The following SPATA16 variants were observed in gnomAD, a reference collection of about 807,000 sequenced individuals.
SPATA16 encodes the protein spermatogenesis associated 16, also known as spermatogenesis-associated protein 16.
Under a neutral mutation model 63.3 loss-of-function variants are expected in SPATA16, and 36 were observed. The observed-to-expected ratio is 0.57, with a 90% confidence interval of 0.44 to 0.75. The LOEUF (loss-of-function observed/expected upper bound fraction) is 0.75, where lower values mean the gene tolerates loss of function less well. Among genes scored for constraint, SPATA16 ranks in the 30% least tolerant of loss-of-function variants. SPATA16 has a pLI of 0.00. For missense variants in SPATA16, 646 were observed against 679.3 expected, an observed-to-expected ratio of 0.95 and a Z score of 0.54; for synonymous variants, 203 against 216.7, an observed-to-expected ratio of 0.94 and a Z score of 0.56.
At chr3:173,082,121 AG>A (rs1251593905) in intron 2 of SPATA16, among the ~76,000 whole-genome samples, 2 of 152,142 alleles carry the variant, frequency 1.3e-5, no homozygotes, top group Non-Finnish European at 2.9e-5. Flanking sequence ...TCTTTCTTTT[AG>A]GTGTCCCCAT....
chr3:172,891,474 T>A (rs1268738174), intron 10 of SPATA16, among the ~76,000 whole-genome samples: 1 of 152,224 alleles, frequency 6.6e-6, no homozygotes, highest in Non-Finnish European at 1.5e-5. Context: ...TATGTTCACC[T>A]CCTACCTGGC....
In SPATA16 at chr3:173,025,303, T is replaced by G. The variant is rs542269925; in HGVS notation, c.759-5728A>C. On this transcript the variant is annotated intron_variant, in intron 3 of 10. Transcript: ENST00000351008. ...TAGACACCTTTTACTTCATTCAAAT[T>G]CCTTGGGAAATCTTTTGAAAAGTAA... 1.8e-4 allele frequency among the ~76,000 whole-genome samples: 27 copies of G among 151,992 alleles called. No individual in the cohort carries two copies. The South Asian group carries it at 5.4e-3, about 30-fold the overall frequency.
intron 4 of SPATA16, among the ~76,000 whole-genome samples, chr3:172,992,689 GA>G (rs1734606766): frequency 6.6e-6 from 1 of 152,066 alleles, no homozygotes; most frequent in African/African-American, 2.4e-5. Flanking sequence ...ATGTACTTCT[GA>G]GCAGCTACTA....
intron 6 of SPATA16, among the ~76,000 whole-genome samples, chr3:172,927,537 A>G (rs1732766581): frequency 6.6e-6 from 1 of 152,174 alleles, no homozygotes; most frequent in Non-Finnish European, 1.5e-5. Flanking sequence ...CTTCTGTGCC[A>G]CACACATTAT....
At chr3:172,913,869 A>G in intron 9 of SPATA16, 125 bp from the exon 10 acceptor site, 1 of 810,190 alleles carries the variant, frequency 1.2e-6, no homozygotes, top group Non-Finnish European at 2.0e-6. Flanking sequence ...CATCTTTCCT[A>G]CAATGAATAT....
chr3:173,101,991 AACCTC>A (rs1261869755), intron 2 of SPATA16, among the ~76,000 whole-genome samples: 2 of 152,142 alleles, frequency 1.3e-5, no homozygotes, highest in African/African-American at 4.8e-5. Context: ...TTCTCATCAA[AACCTC>A]AAGTCTGAGT....
At chr3:173,102,229 A>G (rs1018896343) in intron 2 of SPATA16, among the ~76,000 whole-genome samples, 1 of 152,224 alleles carries the variant, frequency 6.6e-6, no homozygotes, top group African/African-American at 2.4e-5. Context: ...ATTTAAGCTA[A>G]GAATTTTCTC....
chr3:172,893,454 C>T (rs867756651), intron 10 of SPATA16, among the ~76,000 whole-genome samples: 11 of 152,180 alleles, frequency 7.2e-5, no homozygotes, highest in African/African-American at 2.2e-4. Flanking sequence ...GCACAGCCCT[C>T]GGAGGGACCC....
intron 6 of SPATA16, among the ~76,000 whole-genome samples, chr3:172,937,660 A>G (rs1480745617): frequency 6.6e-6 from 1 of 152,352 alleles, no homozygotes; most frequent in South Asian, 2.1e-4. Context: ...CAAAACCGAG[A>G]AACTACTAAA....
chr3:172,987,043 A>G (rs887805166), intron 4 of SPATA16, among the ~76,000 whole-genome samples: 4 of 152,206 alleles, frequency 2.6e-5, no homozygotes, highest in Non-Finnish European at 4.4e-5. Flanking sequence ...GTGGGCTTTC[A>G]TAGAGGAAGA....
chr3:172,960,171 G>A (rs1452337832), intron 5 of SPATA16, among the ~76,000 whole-genome samples: 2 of 152,140 alleles, frequency 1.3e-5, no homozygotes, highest in African/African-American at 4.8e-5. Context: ...ACAAGGAAAT[G>A]CTGGTTGTAA....
intron 10 of SPATA16, among the ~76,000 whole-genome samples, chr3:172,904,256 T>C (rs1658265994): frequency 1.3e-5 from 2 of 152,360 alleles, no homozygotes; most frequent in East Asian, 1.9e-4. Context: ...CAGTTACTTA[T>C]CTGAAATAAA....
intron 3 of SPATA16, among the ~76,000 whole-genome samples, chr3:173,028,010 CCTCCCTTCCTTCT>C (rs1735497590): frequency 1.5e-5 from 1 of 67,362 alleles, no homozygotes; most frequent in African/African-American, 1.1e-4. Context: ...TCCCTCCCTC[CCTCCCTTCCTTCT>C]TTCCTTCCTT....
chr3:173,090,584 G>C (rs926017558), intron 2 of SPATA16, among the ~76,000 whole-genome samples: 1 of 152,150 alleles, frequency 6.6e-6, no homozygotes, highest in East Asian at 1.9e-4. Context: ...GAAGCTTAAA[G>C]CTCACAGACA....
At chr3:173,112,707 C>A (rs772273920) in intron 2 of SPATA16, among the ~76,000 whole-genome samples, 7 of 152,132 alleles carry the variant, frequency 4.6e-5, no homozygotes, top group African/African-American at 1.7e-4. Flanking sequence ...CACACACCAG[C>A]GACTGGAGCG....
At chr3:173,067,757 A>C (rs1203160229) in intron 2 of SPATA16, among the ~76,000 whole-genome samples, 3 of 152,228 alleles carry the variant, frequency 2.0e-5, no homozygotes, top group Non-Finnish European at 4.4e-5. Flanking sequence ...GTCCAGGTAC[A>C]AGAAAGTCAA....
intron 4 of SPATA16, among the ~76,000 whole-genome samples, chr3:172,998,898 CTT>C (rs1734754017): frequency 6.6e-6 from 1 of 152,084 alleles, no homozygotes; most frequent in Non-Finnish European, 1.5e-5. Flanking sequence ...ATACATTCCA[CTT>C]GATAAAGGAG....
chr3:173,051,437 T>C (rs374568637), intron 2 of SPATA16, among the ~76,000 whole-genome samples: 18 of 152,220 alleles, frequency 1.2e-4, no homozygotes, highest in East Asian at 5.8e-4. Flanking sequence ...CTTCTGACCT[T>C]GTGATCCACC....
At chr3:172,924,459 C>T in intron 7 of SPATA16, 142 bp from the exon 8 acceptor site, 2 of 644,580 alleles carry the variant, frequency 3.1e-6, no homozygotes, top group Non-Finnish European at 5.4e-6. Context: ...ATCCCTAGAC[C>T]ATATGTATAA....
Sources: gnomAD v4.1 joint callset for allele counts (sites outside exome capture counted in the v4.1 genomes callset) on GRCh38, gnomAD v4.1.1 for gene constraint, MANE v1.5 for transcripts, NCBI Gene and HGNC (gene_info 2026-07-23, HGNC 2026-07-21) for gene names.